The following EFCC1 variants were observed in gnomAD, a reference collection of about 807,000 sequenced individuals.
The protein encoded by EFCC1 is EF-hand and coiled-coil domain-containing protein 1.
In EFCC1, 50 loss-of-function variants were observed where a neutral mutation model predicts 52.1. That is an observed-to-expected ratio of 0.96 (90% CI 0.76 to 1.21). EFCC1 has a LOEUF of 1.21. Ranked by LOEUF, EFCC1 falls within the 50% of genes most tolerant of loss-of-function variation. EFCC1 has a pLI of 0.00. For missense variants in EFCC1, 837 were observed against 867.3 expected (o/e 0.97, Z 0.44); for synonymous variants, 399 against 396.5 (o/e 1.01, Z -0.08).
At chr3:129,038,986 C>A in intron 7 of EFCC1, 86 bp downstream of exon 7, 1 of 1,164,136 alleles carries the variant, frequency 8.6e-7, no homozygotes, top group Non-Finnish European at 1.3e-6. Flanking sequence ...TCATGCTTAG[C>A]ATCTTGTCTG....
intron 2 of EFCC1, 36 bp from the exon 3 acceptor site, chr3:129,030,667 T>G: frequency 6.5e-7 from 1 of 1,545,696 alleles, no homozygotes; most frequent in Non-Finnish European, 8.7e-7. Flanking sequence ...TCCTGTACTC[T>G]CCTCCTCAAT....
chr3:129,038,935 A>C, intron 7 of EFCC1, 35 bp downstream of exon 7: 1 of 1,586,330 alleles, frequency 6.3e-7, no homozygotes, highest in African/African-American at 1.3e-5. Context: ...GAGCCCACGC[A>C]GTGGCTGGAG....
intron 2 of EFCC1, among the ~76,000 whole-genome samples, chr3:129,019,930 G>A (rs968652230): frequency 2.0e-5 from 3 of 151,716 alleles, no homozygotes; most frequent in Middle Eastern, 3.4e-3. Flanking sequence ...CACCACGCCC[G>A]GCTAATTTTT....
intron 2 of EFCC1, 57 bp from the exon 3 acceptor site, chr3:129,030,646 G>A (rs1559974139): frequency 4.0e-6 from 6 of 1,514,040 alleles, no homozygotes; most frequent in South Asian, 1.3e-5. Context: ...GTACAGTGGG[G>A]AATGGAAGAG....
chr3:129,014,045 G>C lies in EFCC1; in HGVS notation c.980+9968G>C, dbSNP rs932762227. On this transcript the variant is annotated intron_variant, in intron 2 of 7. Transcript: ENST00000683648. This position sits in a 1 kb window ranked among gnomAD's most constrained non-coding sequence, Gnocchi z 4.3. The stretch of plus-strand genomic sequence containing the variant: ...ACCCAAAGTCAGAGACCCAGGAAGG[G>C]GCAGACAGAGTCTTCAGGCTCTTCA... Among the ~76,000 whole-genome samples the C allele has an allele frequency of 6.6e-5, 10 of 152,198 alleles. No individual in the cohort carries two copies. The highest frequency in any genetic ancestry group is 2.4e-4 in the African/African-American group (10 of 41,442).
In EFCC1 at chr3:129,002,231, G is replaced by T. The variant is rs1335711571; in HGVS notation, c.603G>T (p.Ala201=). 9.2e-6 allele frequency: 14 copies of T among 1,528,778 alleles called. No individual in the cohort carries two copies. In the East Asian group the frequency reaches 2.8e-4, roughly 31 times the overall value. The allele number at this position is 1,528,778 out of a possible 1,614,324, so 94.7% of individuals were successfully genotyped here. Residue 201 remains alanine, a synonymous_variant, in exon 1 of 8, where the codon GCG becomes GCT. Coordinates refer to ENST00000683648, the MANE Select transcript of EFCC1 (RefSeq NM_001377500.1). ...PDSGPDCERV[A]RLEEENSSLR... Reference sequence around the variant, plus strand: ...GCGGTCCTGACTGTGAGCGCGTTGCGCGGCTGGAGGAGGAGAATAGCAGCT... The same window carrying T: ...GCGGTCCTGACTGTGAGCGCGTTGCTCGGCTGGAGGAGGAGAATAGCAGCT...
intron 7 of EFCC1, 122 bp downstream of exon 7, chr3:129,039,022 T>C (rs1946391529): frequency 1.1e-6 from 1 of 902,012 alleles, no homozygotes; most frequent in Admixed American, 2.1e-5. Context: ...ATTCCTGCCC[T>C]GCATGCTTTA....
At chr3:129,020,977 A>T (rs1051078004) in intron 2 of EFCC1, among the ~76,000 whole-genome samples, 3 of 152,084 alleles carry the variant, frequency 2.0e-5, no homozygotes, top group African/African-American at 7.2e-5. Flanking sequence ...GCCTCATGAG[A>T]GCTGGGAGGG....
chr3:129,039,317 G>A (rs1946395128), intron 7 of EFCC1, among the ~76,000 whole-genome samples: 1 of 152,240 alleles, frequency 6.6e-6, no homozygotes, highest in Admixed American at 6.5e-5. Context: ...CATGGACCCG[G>A]TGTTTAGACG....
In EFCC1 at chr3:129,012,646, C is replaced by T. The variant is rs562441003; in HGVS notation, c.980+8569C>T. On this transcript the variant is annotated intron_variant, in intron 2 of 7. Coordinates refer to ENST00000683648, the MANE Select transcript of EFCC1 (RefSeq NM_001377500.1). ...GGCTACTAGGATAGTCCTGTTGGCC[C>T]GGACCAGGGCACACGCTCAACCCTG... Among the ~76,000 whole-genome samples, 12 of 152,294 alleles carry T rather than the reference C, an allele frequency of 7.9e-5. No individual in the cohort carries two copies. In the South Asian group the frequency reaches 1.5e-3, roughly 18 times the overall value.
intron 3 of EFCC1, among the ~76,000 whole-genome samples, chr3:129,031,207 A>T (rs1256419624): frequency 6.6e-6 from 1 of 152,172 alleles, no homozygotes; most frequent in African/African-American, 2.4e-5. Context: ...AGGCGGGTAG[A>T]CTGCTTGAGC....
intron 2 of EFCC1, among the ~76,000 whole-genome samples, chr3:129,021,392 C>T (rs1393140231): frequency 6.6e-6 from 1 of 152,186 alleles, no homozygotes; most frequent in African/African-American, 2.4e-5. Context: ...TTCAGAGGCA[C>T]ATCAAAGACA....
At position 129,039,783 on chromosome 3, in the gene EFCC1, A is replaced by C; in HGVS notation, c.1735A>C (p.Arg579=). Residue 579 remains arginine (R), a synonymous_variant, in exon 8 of 8, where the codon AGA becomes CGA. Coordinates refer to ENST00000683648, the MANE Select transcript of EFCC1 (RefSeq NM_001377500.1). ...QALAACQLLR[R]QPSAPASAAA... is the part of the protein sequence containing the mutation. ...CTTGGCTGCCTGCCAGCTGTTGCGGAGACAGCCCTCGGCACCAGCCTCTGC... is the reference window on the plus strand; with the variant it reads ...CTTGGCTGCCTGCCAGCTGTTGCGGCGACAGCCCTCGGCACCAGCCTCTGC... 6.2e-7 allele frequency: 1 copy of C among 1,612,254 alleles called. No homozygotes were observed.
chr3:129,012,186 C>T (rs1459606463), intron 2 of EFCC1, among the ~76,000 whole-genome samples: 1 of 152,252 alleles, frequency 6.6e-6, no homozygotes, highest in Admixed American at 6.5e-5. Flanking sequence ...GAAGCTTCAG[C>T]TCAACTTGCT....
At chr3:129,033,497 G>A (rs917937269) in intron 4 of EFCC1, among the ~76,000 whole-genome samples, 1 of 152,204 alleles carries the variant, frequency 6.6e-6, no homozygotes, top group African/African-American at 2.4e-5. Flanking sequence ...GAGGATTTGA[G>A]GTCAAAGATA....
intron 2 of EFCC1, among the ~76,000 whole-genome samples, chr3:129,004,785 A>G (rs1944995568): frequency 1.3e-5 from 2 of 152,110 alleles, no homozygotes; most frequent in African/African-American, 2.4e-5. Flanking sequence ...TCCACTCTGT[A>G]GATGAGGAAA....
chr3:129,033,949 G>A (rs1946321974), intron 4 of EFCC1, among the ~76,000 whole-genome samples: 1 of 152,228 alleles, frequency 6.6e-6, no homozygotes, highest in Non-Finnish European at 1.5e-5. Flanking sequence ...GTGGGTGGGA[G>A]GGAAGGTCAG....
chr3:129,028,081 C>CTT (rs11333801), intron 2 of EFCC1, among the ~76,000 whole-genome samples: 19 of 144,102 alleles, frequency 1.3e-4, no homozygotes, highest in Non-Finnish European at 2.4e-4. Flanking sequence ...CCATTTCATT[C>CTT]TTTTTTTTTT....
chr3:129,032,137 T>G (rs916277472), intron 3 of EFCC1, among the ~76,000 whole-genome samples: 4 of 152,128 alleles, frequency 2.6e-5, no homozygotes, highest in Admixed American at 6.5e-5. Flanking sequence ...CAGTCACATG[T>G]GTCACACCCC....
Sources: gnomAD v4.1 joint callset for allele counts (sites outside exome capture counted in the v4.1 genomes callset) on GRCh38, gnomAD v4.1.1 for gene constraint, Gnocchi (gnomAD v3.1) non-coding constraint, MANE v1.5 for transcripts, NCBI Gene and HGNC (gene_info 2026-07-23, HGNC 2026-07-21) for gene names.